Variants in DCAF12L2 observed in about 807,000 individuals in gnomAD.
DCAF12L2 encodes the protein DDB1 and CUL4 associated factor 12 like 2, also known as DDB1- and CUL4-associated factor 12-like protein 2.
DCAF12L2 carries 16 observed loss-of-function variants against 20.2 expected under a neutral mutation model. That is an observed-to-expected ratio of 0.79 (90% confidence interval 0.54 to 1.20). The LOEUF (loss-of-function observed/expected upper bound fraction) is 1.20. DCAF12L2 is among the 50% of genes most tolerant of loss of function. The probability of loss-of-function intolerance (pLI) is 0.00; values close to 1 mark genes in which losing one functional copy is unlikely to be tolerated. For synonymous variants in DCAF12L2, 195 were observed against 190.0 expected (o/e 1.03, Z -0.22); for missense variants, 355 against 404.8 (o/e 0.88, Z 1.06).
Position 126,164,346 on chromosome X carries a change from G to T in DCAF12L2, c.*187C>A. 1.9e-6 allele frequency: 1 copy of T among 523,560 alleles called. No individual in the cohort carries two copies. The highest frequency in any genetic ancestry group is 2.9e-6 in the Non-Finnish European group (1 of 343,380). 43.1% of individuals were successfully genotyped at this position (523,560 alleles called of 1,213,427 possible). A position where few individuals can be genotyped will look rare whatever the true frequency, so the allele number is the denominator to read the frequency against. ...GTTTTGACTGCCGAAAGGACCACTT[G>T]TGCTCTCTCGCTCCCGCTCTCTCTC... On this transcript the variant is annotated 3_prime_UTR_variant, in exon 1 of 1. Coordinates refer to ENST00000360028, the MANE Select transcript of DCAF12L2 (RefSeq NM_001013628.3).
chrX:126,164,941 G>A lies in DCAF12L2; in HGVS notation c.984C>T (p.His328=), dbSNP rs763667428. The A allele has an allele frequency of 5.8e-6, 7 of 1,211,257 alleles. No individual in the cohort carries two copies. In the African/African-American group the frequency reaches 1.0e-4, roughly 18 times the overall value. Residue 328 remains histidine (H), a synonymous_variant, in exon 1 of 1, where the codon CAC becomes CAT. Coordinates refer to ENST00000360028, the MANE Select transcript of DCAF12L2 (RefSeq NM_001013628.3). ...LSLYAVGSQS[H]VSFLDPRQRQ... Reference sequence around the variant, plus strand: ...GCTGGCGCGGATCCAGGAAGGAGACGTGGGACTGAGAGCCCACAGCGTACA... The same window carrying A: ...GCTGGCGCGGATCCAGGAAGGAGACATGGGACTGAGAGCCCACAGCGTACA...
At position 126,165,502 on chromosome X, in the gene DCAF12L2, G is replaced by A. The variant is rs1347356922; in HGVS notation, c.423C>T (p.Ala141=). ...AGCCCTGGTGGGCCTGGGCCAGCCC[G>A]GCCTCCTTGTCCCGCATGAGGGGGA... The part of the protein sequence containing the change: ...TRIPLMRDKE[A]GLAQAHQGCG... The change falls in exon 1 of 1, where the codon GCC becomes GCT. Residue 141 remains alanine (A), a synonymous_variant. Transcript: ENST00000360028. 8 of 1,211,354 alleles carry A rather than the reference G, an allele frequency of 6.6e-6. No individual in the cohort carries two copies. Among genetic ancestry groups the A allele is most frequent in the Admixed American group, 4.3e-5 (2 of 46,061 alleles).
Position 126,165,208 on chromosome X carries a change from G to A in DCAF12L2, c.717C>T (p.Leu239=). ...TCGGACGGATGTGGGCATATACTGG[G>A]AGACCCACCTCGCTGTGCCAGGCAA... ...GSIAWHSEVG[L]PVYAHIRPRD... Residue 239 remains leucine (L), a synonymous_variant, in exon 1 of 1, where the codon CTC becomes CTT. Coordinates refer to ENST00000360028, the MANE Select transcript of DCAF12L2 (RefSeq NM_001013628.3). The A allele has an allele frequency of 1.7e-6, 2 of 1,212,098 alleles. No individual in the cohort carries two copies. Among genetic ancestry groups the A allele is most frequent in the Non-Finnish European group, 2.2e-6 (2 of 895,521 alleles).
rs181804861 is a variant in DCAF12L2, at chrX:126,165,513, C to A, written c.412G>T (p.Asp138Tyr). ...GHITRIPLMR[D>Y]KEAGLAQAHQ... ...GCCTGGGCCAGCCCGGCCTCCTTGT[C>A]CCGCATGAGGGGGATGCGCGTGATG... is the stretch of plus-strand genomic sequence containing the variant. Residue 138 changes from aspartate (D) to tyrosine (Y), a missense_variant, in exon 1 of 1, where the codon GAC (aspartate) becomes TAC (tyrosine). Asp to Tyr is a radical substitution (Grantham distance 160). Transcript: ENST00000360028. The A allele has an allele frequency of 8.3e-7, 1 of 1,211,456 alleles. No individual in the cohort carries two copies. The highest frequency in any genetic ancestry group is 1.7e-5 in the African/African-American group (1 of 57,705).
Position 126,165,441 on chromosome X carries a change from T to G in DCAF12L2, c.484A>C (p.Thr162Pro). 1 of 1,211,482 alleles carries G rather than the reference T, an allele frequency of 8.3e-7. No homozygotes were observed. The highest frequency in any genetic ancestry group is 1.1e-6 in the Non-Finnish European group (1 of 895,334). The change falls in exon 1 of 1, where the codon ACG becomes CCG. Residue 162 changes from threonine (T) to proline (P), a missense_variant. Physicochemically the swap from Thr to Pro is conservative, Grantham distance 38. Transcript: ENST00000360028. ...IHAIELNPSK[T>P]LLATGGENPN... ...TTTTCGCCGCCGGTGGCCAGAAGCGTCTTGGAGGGATTCAGCTCGATGGCA... is the reference window on the plus strand; with the variant it reads ...TTTTCGCCGCCGGTGGCCAGAAGCGGCTTGGAGGGATTCAGCTCGATGGCA...
rs1283965693 is a variant in DCAF12L2, at chrX:126,163,678, C to T, written c.*855G>A. Reference sequence around the variant, plus strand: ...AAGAGATGTGTACCCCATATACCCCCAAAAATACCTCCCTGATTGCACTAC... The same window carrying T: ...AAGAGATGTGTACCCCATATACCCCTAAAAATACCTCCCTGATTGCACTAC... On this transcript the variant is annotated 3_prime_UTR_variant, in exon 1 of 1. Coordinates refer to ENST00000360028, the MANE Select transcript of DCAF12L2 (RefSeq NM_001013628.3). 9.0e-6 allele frequency: 1 copy of T among 111,330 alleles called. No homozygotes were observed. The highest frequency in any genetic ancestry group is 1.9e-5 in the Non-Finnish European group (1 of 53,067). 9.2% of individuals were successfully genotyped at this position (111,330 alleles called of 1,213,427 possible). A position where few individuals can be genotyped will look rare whatever the true frequency, so the allele number is the denominator to read the frequency against.
chrX:126,165,946 A>C lies in DCAF12L2; in HGVS notation c.-22T>G. The stretch of plus-strand genomic sequence containing the variant: ...CCATGGTGGGCGGCGGGCGATCTGC[A>C]GCAGCGGCGGCGGCGGCGGCGGCGG... On this transcript the variant is annotated 5_prime_UTR_variant, in exon 1 of 1. Transcript: ENST00000360028. 9.9e-7 allele frequency: 1 copy of C among 1,008,801 alleles called. No individual in the cohort carries two copies. The highest frequency in any genetic ancestry group is 3.8e-5 in the South Asian group (1 of 26,453). The allele number at this position is 1,008,801 out of a possible 1,213,427, so 83.1% of individuals were successfully genotyped here.
At position 126,164,898 on chromosome X, in the gene DCAF12L2, G is replaced by A; in HGVS notation, c.1027C>T (p.Pro343Ser). 8.2e-7 allele frequency: 1 copy of A among 1,212,373 alleles called. No homozygotes were observed. The highest frequency in any genetic ancestry group is 1.1e-6 in the Non-Finnish European group (1 of 895,640). ...DPRQRQQNIR[P>S]LCSREGGTGV... is the part of the protein sequence containing the mutation. ...GTGCCACCCTCTCGAGAGCACAGGG[G>A]CCGGATGTTCTGCTGGCGCTGGCGC... The change falls in exon 1 of 1, where the codon CCC becomes TCC. Residue 343 changes from proline to serine, a missense_variant. Transcript: ENST00000360028.
At position 126,165,577 on chromosome X, in the gene DCAF12L2, C is replaced by T. The variant is rs769169596; in HGVS notation, c.348G>A (p.Lys116=). Residue 116 remains lysine, a synonymous_variant, in exon 1 of 1, where the codon AAG becomes AAA. Transcript: ENST00000360028. ...LNARQVVCGT[K]CNTLFVVDVQ... is the part of the protein sequence containing the mutation. ...CGTCCACCACAAACAGCGTATTACA[C>T]TTGGTGCCGCACACCACCTGCCTGG... 1 of 1,212,334 alleles carries T rather than the reference C, an allele frequency of 8.2e-7. No individual in the cohort carries two copies. The highest frequency in any genetic ancestry group is 3.0e-5 in the East Asian group (1 of 33,827).
In DCAF12L2 at chrX:126,165,216, C is replaced by G; in HGVS notation, c.709G>C (p.Val237Leu). Reference sequence around the variant, plus strand: ...ATGTGGGCATATACTGGGAGACCCACCTCGCTGTGCCAGGCAATGCTGCCA... The same window carrying G: ...ATGTGGGCATATACTGGGAGACCCAGCTCGCTGTGCCAGGCAATGCTGCCA... ...FNGSIAWHSE[V>L]GLPVYAHIRP... The change falls in exon 1 of 1, where the codon GTG (valine) becomes CTG (leucine). Residue 237 changes from valine (V) to leucine (L), a missense_variant. Coordinates refer to ENST00000360028, the MANE Select transcript of DCAF12L2 (RefSeq NM_001013628.3). The G allele has an allele frequency of 8.3e-7, 1 of 1,211,918 alleles. No homozygotes were observed. Among genetic ancestry groups the G allele is most frequent in the Non-Finnish European group, 1.1e-6 (1 of 895,472 alleles).
Position 126,165,983 on chromosome X carries a change from C to G in DCAF12L2, c.-59G>C, listed in dbSNP as rs938252428. The G allele has an allele frequency of 2.4e-5, 18 of 758,304 alleles. No homozygotes were observed. The highest frequency in any genetic ancestry group is 2.6e-5 in the Non-Finnish European group (17 of 641,866). The allele number at this position is 758,304 out of a possible 1,213,427, so 62.5% of individuals were successfully genotyped here. On this transcript the variant is annotated 5_prime_UTR_variant, in exon 1 of 1. Coordinates refer to ENST00000360028, the MANE Select transcript of DCAF12L2 (RefSeq NM_001013628.3). ...GGCGGCGGCGGCGGCGGCGGCGGCC[C>G]GGCGGCGGTGGCGGCGCGTGGCACC...
Position 126,164,224 on chromosome X carries a change from AAGAC to A in DCAF12L2, c.*305_*308del, listed in dbSNP as rs1475023248. 6 of 285,176 alleles carry A rather than the reference AAGAC, an allele frequency of 2.1e-5. No individual in the cohort carries two copies. The highest frequency in any genetic ancestry group is 3.7e-5 in the Non-Finnish European group (6 of 164,116). 23.5% of individuals were successfully genotyped at this position (285,176 alleles called of 1,213,427 possible). A position where few individuals can be genotyped will look rare whatever the true frequency, so the allele number is the denominator to read the frequency against. On this transcript the variant is annotated 3_prime_UTR_variant, in exon 1 of 1. Transcript: ENST00000360028. ...AGAAGGAGGGTATGTGAATCACTGA[AAGAC>A]AGAACACAATTAAGGTTTAGCCAAA...
At position 126,165,859 on chromosome X, in the gene DCAF12L2, G is replaced by A. The variant is rs758856272; in HGVS notation, c.66C>T (p.Ser22=). The A allele has an allele frequency of 1.4e-5, 17 of 1,203,820 alleles. No individual in the cohort carries two copies. The highest frequency in any genetic ancestry group is 1.8e-5 in the Non-Finnish European group (16 of 894,072). The change falls in exon 1 of 1, where the codon AGC becomes AGT. Residue 22 remains serine (S), a synonymous_variant. Coordinates refer to ENST00000360028, the MANE Select transcript of DCAF12L2 (RefSeq NM_001013628.3). ...CCGCCGCTAAACCCTGCGACGACGA[G>A]CTCCCGGCTCCCGCCTCGACCGCGG... ...KAPAVEAGAG[S]SSSQGLAAAD...
At position 126,164,392 on chromosome X, in the gene DCAF12L2, A is replaced by C; in HGVS notation, c.*141T>G. 1.3e-6 allele frequency: 1 copy of C among 785,816 alleles called. No homozygotes were observed. The allele number at this position is 785,816 out of a possible 1,213,427, so 64.8% of individuals were successfully genotyped here. A position where few individuals can be genotyped will look rare whatever the true frequency, so the allele number is the denominator to read the frequency against. On this transcript the variant is annotated 3_prime_UTR_variant, in exon 1 of 1. Coordinates refer to ENST00000360028, the MANE Select transcript of DCAF12L2 (RefSeq NM_001013628.3). Reference sequence around the variant, plus strand: ...CTCTCTTTCTTTCTCTGCCTAATACATTAAGCACACGTAAGTTGGACTGGT... The same window carrying C: ...CTCTCTTTCTTTCTCTGCCTAATACCTTAAGCACACGTAAGTTGGACTGGT...
In DCAF12L2 at chrX:126,166,248, G is replaced by A. The variant is rs1927845373; in HGVS notation, c.-324C>T. ...GCGGTGCAGACCTAGGCGAGAGCGG[G>A]AAGAGTGTCTGTCTGGATGGCTGCG... On this transcript the variant is annotated 5_prime_UTR_variant, in exon 1 of 1. Transcript: ENST00000360028. Among the ~76,000 whole-genome samples the A allele has an allele frequency of 9.0e-6, 1 of 110,836 alleles. No individual in the cohort carries two copies. The highest frequency in any genetic ancestry group is 3.3e-5 in the African/African-American group (1 of 30,520).
rs1927834468 is a variant in DCAF12L2 at position 126,165,980 on chromosome X, G to GCGGCGT, written c.-57_-56insACGCCG. 1 of 795,701 alleles carries GCGGCGT rather than the reference G, an allele frequency of 1.3e-6. No individual in the cohort carries two copies. Among genetic ancestry groups the GCGGCGT allele is most frequent in the Non-Finnish European group, 1.5e-6 (1 of 668,658 alleles). The allele number at this position is 795,701 out of a possible 1,213,427, so 65.6% of individuals were successfully genotyped here. A position where few individuals can be genotyped will look rare whatever the true frequency, so the allele number is the denominator to read the frequency against. On this transcript the variant is annotated 5_prime_UTR_variant, in exon 1 of 1. Coordinates refer to ENST00000360028, the MANE Select transcript of DCAF12L2 (RefSeq NM_001013628.3). ...GGCGGCGGCGGCGGCGGCGGCGGCGGCCCGGCGGCGGTGGCGGCGCGTGGC... is the reference window on the plus strand; with the variant it reads ...GGCGGCGGCGGCGGCGGCGGCGGCGGCGGCGTCCCGGCGGCGGTGGCGGCGCGTGGC...
Position 126,165,188 on chromosome X carries a change from CGGATGTGGGCATATACTG to C in DCAF12L2, c.719_736del (p.Pro240_Ile245del). Reference sequence around the variant, plus strand: ...GGGGATGGCCTCCACATCCCTCGGACGGATGTGGGCATATACTGGGAGACCCACCTCGCTGTGCCAGGC... The same window carrying C: ...GGGGATGGCCTCCACATCCCTCGGACGGAGACCCACCTCGCTGTGCCAGGC... On this transcript the variant is annotated inframe_deletion, in exon 1 of 1. Coordinates refer to ENST00000360028, the MANE Select transcript of DCAF12L2 (RefSeq NM_001013628.3). 3 of 1,211,907 alleles carry C rather than the reference CGGATGTGGGCATATACTG, an allele frequency of 2.5e-6. No individual in the cohort carries two copies. In the Admixed American group the frequency reaches 6.5e-5, roughly 26 times the overall value.
chrX:126,163,527 A>AT lies in DCAF12L2; in HGVS notation c.*1005dup, dbSNP rs1236441664. ...CTAAGATGATGAACACATTTTATTT[A>AT]TTTTTCTGCAACACATCACATACTG... On this transcript the variant is annotated 3_prime_UTR_variant, in exon 1 of 1. Transcript: ENST00000360028. 2.7e-5 allele frequency: 3 copies of AT among 111,915 alleles called. No homozygotes were observed. The highest frequency in any genetic ancestry group is 5.6e-5 in the Non-Finnish European group (3 of 53,183). 9.2% of individuals were successfully genotyped at this position (111,915 alleles called of 1,213,427 possible).
Position 126,166,159 on chromosome X carries a change from G to T in DCAF12L2, c.-235C>A. ...CGGCGGCGGCGGCAGCGGTCGTCCTGGCCAGAGATGCGCGGCCTGACGTAG... is the reference window on the plus strand; with the variant it reads ...CGGCGGCGGCGGCAGCGGTCGTCCTTGCCAGAGATGCGCGGCCTGACGTAG... On this transcript the variant is annotated 5_prime_UTR_variant, in exon 1 of 1. Transcript: ENST00000360028. 1 of 201,406 alleles carries T rather than the reference G, an allele frequency of 5.0e-6. No homozygotes were observed. Among genetic ancestry groups the T allele is most frequent in the Non-Finnish European group, 7.5e-6 (1 of 132,614 alleles). The allele number at this position is 201,406 out of a possible 1,213,427, so 16.6% of individuals were successfully genotyped here. A position where few individuals can be genotyped will look rare whatever the true frequency, so the allele number is the denominator to read the frequency against.
Sources: gnomAD v4.1 joint callset for allele counts (sites outside exome capture counted in the v4.1 genomes callset) on GRCh38, gnomAD v4.1.1 for gene constraint, MANE v1.5 for transcripts, NCBI Gene and HGNC (gene_info 2026-07-23, HGNC 2026-07-21) for gene names.